Variants in EFCAB5 observed in about 807,000 individuals in gnomAD.
EFCAB5 encodes EF-hand calcium binding domain 5, also known as EF-hand calcium-binding domain-containing protein 5.
A neutral mutation model predicts 167.9 loss-of-function variants in EFCAB5; 131 were observed. That is an observed-to-expected ratio of 0.78 (90% CI 0.68 to 0.90). EFCAB5 has a LOEUF of 0.90. Ranked by LOEUF, EFCAB5 falls within the 40% of genes least tolerant of loss-of-function variation. The probability of loss-of-function intolerance (pLI) is 0.00; values close to 1 mark genes in which losing one functional copy is unlikely to be tolerated. For synonymous variants in EFCAB5, 574 were observed against 602.8 expected, an observed-to-expected ratio of 0.95 and a Z score of 0.70; for missense variants, 1,663 against 1,745.2, an observed-to-expected ratio of 0.95 and a Z score of 0.84.
chr17:30,049,064 C>A (rs1037854389), intron 8 of EFCAB5, among the ~76,000 whole-genome samples: 2 of 152,050 alleles, frequency 1.3e-5, no homozygotes, highest in African/African-American at 4.8e-5. Context: ...ATTGACATCA[C>A]AGAACAGGTC....
intron 7 of EFCAB5, among the ~76,000 whole-genome samples, chr17:30,018,920 T>C (rs1567718028): frequency 6.6e-6 from 1 of 152,332 alleles, no homozygotes; most frequent in East Asian, 1.9e-4. Context: ...CAATCCTATG[T>C]TACTTCTTTT....
intron 8 of EFCAB5, among the ~76,000 whole-genome samples, chr17:30,044,807 T>G (rs1028530365): frequency 5.3e-5 from 8 of 152,114 alleles, no homozygotes; most frequent in Non-Finnish European, 1.0e-4. Context: ...AGAAATGAAA[T>G]GAAAGAAATT....
chr17:29,999,144 A>C (rs926907129), intron 6 of EFCAB5, among the ~76,000 whole-genome samples: 2 of 151,932 alleles, frequency 1.3e-5, no homozygotes, highest in African/African-American at 4.8e-5. Context: ...GGGTTTTCTT[A>C]TTCAAGTCCA....
chr17:30,053,769 A>G lies in EFCAB5; in HGVS notation c.1815A>G (p.Glu605=), dbSNP rs1315455586. The G allele has an allele frequency of 1.2e-6, 2 of 1,614,000 alleles. No homozygotes were observed. Among genetic ancestry groups the G allele is most frequent in the Non-Finnish European group, 1.7e-6 (2 of 1,179,872 alleles). Residue 605 remains glutamate, a synonymous_variant, in exon 10 of 23, where the codon GAA becomes GAG. Transcript: ENST00000394835. ...GATCAAGCAGAGAGTCAGTTGCAGA[A>G]CAAGGGTCACGCAGAGAGTCTATTG... ...EQGSSRESVA[E]QGSRRESIAE...
At chr17:30,012,132 C>T (rs565297583) in intron 7 of EFCAB5, among the ~76,000 whole-genome samples, 19 of 152,292 alleles carry the variant, frequency 1.2e-4, no homozygotes, top group Admixed American at 6.5e-4. Context: ...TCTGGGAAGA[C>T]GCCCATTGCC....
intron 14 of EFCAB5, among the ~76,000 whole-genome samples, chr17:30,071,127 T>C (rs2070726449): frequency 6.6e-6 from 1 of 150,426 alleles, no homozygotes; most frequent in African/African-American, 2.4e-5. Flanking sequence ...AAAGCAAAAT[T>C]AGACAAGCGG....
intron 3 of EFCAB5, among the ~76,000 whole-genome samples, chr17:29,955,345 G>A (rs959954584): frequency 2.6e-5 from 4 of 152,134 alleles, no homozygotes; most frequent in Non-Finnish European, 5.9e-5. Flanking sequence ...AATCATAGGG[G>A]TGGGTCTTTT....
Position 30,054,121 on chromosome 17 carries a change from A to G in EFCAB5, c.2167A>G (p.Thr723Ala), listed in dbSNP as rs769800216. 15 of 1,567,274 alleles carry G rather than the reference A, an allele frequency of 9.6e-6. No homozygotes were observed. The Admixed American group carries it at 2.2e-4, about 23-fold the overall frequency. ...LSSELQEEVPTLSRKDHFPET... is the reference protein window; with the variant it reads ...LSSELQEEVPALSRKDHFPET... The stretch of plus-strand genomic sequence containing the variant: ...TTCTGAACTGCAAGAGGAAGTTCCA[A>G]CCTTAAGCAGAAAAGATCACTTTCC... The change falls in exon 10 of 23, where the codon ACC becomes GCC. Residue 723 changes from threonine (T) to alanine (A), a missense_variant. Thr to Ala is a moderately conservative substitution (Grantham distance 58). Coordinates refer to ENST00000394835, the MANE Select transcript of EFCAB5 (RefSeq NM_198529.4).
intron 7 of EFCAB5, among the ~76,000 whole-genome samples, chr17:30,031,364 T>C (rs2069475110): frequency 6.6e-6 from 1 of 152,240 alleles, no homozygotes; most frequent in Non-Finnish European, 1.5e-5. Flanking sequence ...CTGATGCTGT[T>C]GGTCTAGGGA....
At chr17:30,020,514 G>A (rs1454148942) in intron 7 of EFCAB5, among the ~76,000 whole-genome samples, 1 of 151,986 alleles carries the variant, frequency 6.6e-6, no homozygotes, top group Non-Finnish European at 1.5e-5. Flanking sequence ...ACAGGCGTGT[G>A]CCACCATGCA....
chr17:30,007,684 T>C (rs1185615811), intron 7 of EFCAB5, among the ~76,000 whole-genome samples: 1 of 152,126 alleles, frequency 6.6e-6, no homozygotes, highest in Non-Finnish European at 1.5e-5. Flanking sequence ...TTTGCATCTC[T>C]GAAATCAGGG....
At chr17:29,935,911 G>A (rs143066089) in intron 1 of EFCAB5, among the ~76,000 whole-genome samples, 77 of 152,294 alleles carry the variant, frequency 5.1e-4, no homozygotes, top group African/African-American at 1.8e-3. Context: ...TTCTGAAGCA[G>A]GAGCACTGGC....
At chr17:29,948,218 G>T (rs2067442758) in intron 3 of EFCAB5, among the ~76,000 whole-genome samples, 1 of 152,160 alleles carries the variant, frequency 6.6e-6, no homozygotes. Flanking sequence ...TAATTAGTTT[G>T]TGGCCATATT....
At chr17:30,046,646 A>C (rs1597721311) in intron 8 of EFCAB5, among the ~76,000 whole-genome samples, 1 of 152,172 alleles carries the variant, frequency 6.6e-6, no homozygotes, top group Non-Finnish European at 1.5e-5. Flanking sequence ...GAATAGTTAC[A>C]TTTGGGTGGA....
chr17:29,999,966 A>G lies in EFCAB5; in HGVS notation c.1034A>G (p.Glu345Gly). ...ACAGAACCAAGATTGAACAAAATGG[A>G]ATTTACAGAAGTAAGAGTTACATTA... Reference protein sequence around the residue: ...DSTEPRLNKMEFTEYISSHIK... With the variant: ...DSTEPRLNKMGFTEYISSHIK... Residue 345 changes from glutamate to glycine, a missense_variant, in exon 7 of 23, where the codon GAA (glutamate) becomes GGA (glycine). Glu to Gly is a moderately conservative substitution (Grantham distance 98, BLOSUM62 -2). Transcript: ENST00000394835. The G allele has an allele frequency of 6.4e-7, 1 of 1,570,870 alleles. No homozygotes were observed. The highest frequency in any genetic ancestry group is 8.7e-7 in the Non-Finnish European group (1 of 1,155,614).
intron 22 of EFCAB5, among the ~76,000 whole-genome samples, chr17:30,100,718 G>T (rs1469542081): frequency 1.3e-5 from 2 of 151,704 alleles, no homozygotes; most frequent in East Asian, 1.9e-4. Context: ...AGTGAGCCAA[G>T]ATCGCACCAC....
intron 14 of EFCAB5, chr17:30,068,655 C>T (rs572784016): frequency 2.6e-4 from 392 of 1,534,550 alleles, no homozygotes; most frequent in Non-Finnish European, 3.3e-4. Flanking sequence ...CGCTGCTATT[C>T]CGGGCCAGCG....
chr17:30,083,128 T>C (rs1193086416), intron 18 of EFCAB5, 85 bp downstream of exon 18: 78 of 1,447,844 alleles, frequency 5.4e-5, no homozygotes, highest in Non-Finnish European at 6.9e-5. Flanking sequence ...AAAACCATAT[T>C]AATTAGCTAT....
intron 3 of EFCAB5, among the ~76,000 whole-genome samples, chr17:29,961,804 A>G (rs1307544558): frequency 6.6e-6 from 1 of 152,100 alleles, no homozygotes; most frequent in Non-Finnish European, 1.5e-5. Flanking sequence ...ATGTTGCCCA[A>G]GCTGGGAAAG....
Sources: gnomAD v4.1 joint callset for allele counts (sites outside exome capture counted in the v4.1 genomes callset) on GRCh38, gnomAD v4.1.1 for gene constraint, MANE v1.5 for transcripts, NCBI Gene and HGNC (gene_info 2026-07-23, HGNC 2026-07-21) for gene names.